The following TRAF3 variants were observed in gnomAD, a reference collection of about 807,000 sequenced individuals.
The protein encoded by TRAF3 is TNF receptor associated factor 3, also known as TNF receptor-associated factor 3.
In TRAF3, 13 loss-of-function variants were observed where a neutral mutation model predicts 62.3. That is an observed-to-expected ratio of 0.21 (90% CI 0.14 to 0.33). TRAF3 has a LOEUF of 0.33. Among genes scored for constraint, TRAF3 ranks in the 10% least tolerant of loss-of-function variants. TRAF3 has a pLI of 1.00. For missense variants in TRAF3, 440 were observed against 741.8 expected, an observed-to-expected ratio of 0.59 and a Z score of 4.73; for synonymous variants, 269 against 283.4, an observed-to-expected ratio of 0.95 and a Z score of 0.51.
chr14:102,784,895 C>T (rs571148519), intron 1 of TRAF3, among the ~76,000 whole-genome samples: 7 of 152,220 alleles, frequency 4.6e-5, no homozygotes, highest in Non-Finnish European at 8.8e-5. Flanking sequence ...GCCCGTGAGT[C>T]GGAAGGGGTT....
chr14:102,867,856 A>G (rs529970236), intron 2 of TRAF3, among the ~76,000 whole-genome samples: 1 of 152,288 alleles, frequency 6.6e-6, no homozygotes, highest in African/African-American at 2.4e-5. Flanking sequence ...AATTTCCCAC[A>G]TTTTGCCACA....
chr14:102,802,818 A>G (rs550169471), intron 1 of TRAF3, among the ~76,000 whole-genome samples: 1 of 152,128 alleles, frequency 6.6e-6, no homozygotes, highest in South Asian at 2.1e-4. Context: ...ACCGAGCAAG[A>G]CTCTGTCTCA....
At chr14:102,897,920 A>G (rs947567000) in intron 10 of TRAF3, among the ~76,000 whole-genome samples, 2 of 152,226 alleles carry the variant, frequency 1.3e-5, no homozygotes, top group African/African-American at 4.8e-5. Context: ...CGATGATGTA[A>G]AGGGGACTGA....
chr14:102,821,070 G>A (rs1899958353), intron 1 of TRAF3, among the ~76,000 whole-genome samples: 1 of 152,102 alleles, frequency 6.6e-6, no homozygotes, highest in Admixed American at 6.6e-5. Context: ...AGGATGTAGG[G>A]TGAAATAGTC....
chr14:102,812,841 C>A (rs1327121894), intron 1 of TRAF3, among the ~76,000 whole-genome samples: 1 of 151,856 alleles, frequency 6.6e-6, no homozygotes, highest in African/African-American at 2.4e-5. Flanking sequence ...ATGGCGTGAA[C>A]CCAGGAGGCG....
In TRAF3 at chr14:102,907,115, G is replaced by GC. The variant is rs1283994178; in HGVS notation, c.*1335dup. 1 of 152,186 alleles carries GC rather than the reference G, an allele frequency of 6.6e-6. No individual in the cohort carries two copies. Among genetic ancestry groups the GC allele is most frequent in the Non-Finnish European group, 1.5e-5 (1 of 68,036 alleles). 9.4% of individuals were successfully genotyped at this position (152,186 alleles called of 1,614,324 possible). A position where few individuals can be genotyped will look rare whatever the true frequency, so the allele number is the denominator to read the frequency against. On this transcript the variant is annotated 3_prime_UTR_variant, in exon 12 of 12. Coordinates refer to ENST00000392745, the MANE Select transcript of TRAF3 (RefSeq NM_145725.3). ...ATTACCACAGATTCCAAATCTCTAGGCCCCACGAGTGAGCCGCCTGGTCCA... is the reference window on the plus strand; with the variant it reads ...ATTACCACAGATTCCAAATCTCTAGGCCCCCACGAGTGAGCCGCCTGGTCCA...
intron 4 of TRAF3, among the ~76,000 whole-genome samples, chr14:102,872,448 T>C (rs753128334): frequency 2.0e-4 from 31 of 152,152 alleles, no homozygotes; most frequent in South Asian, 4.1e-4. Flanking sequence ...CCCTGTGATA[T>C]CTTTAAGTCA....
At chr14:102,802,672 C>T (rs1898513983) in intron 1 of TRAF3, among the ~76,000 whole-genome samples, 1 of 150,984 alleles carries the variant, frequency 6.6e-6, no homozygotes, top group South Asian at 2.1e-4. Context: ...ACTAAAAATA[C>T]AAAAAAATTA....
intron 1 of TRAF3, among the ~76,000 whole-genome samples, chr14:102,805,395 C>A (rs1337327492): frequency 6.6e-6 from 1 of 152,116 alleles, no homozygotes; most frequent in Non-Finnish European, 1.5e-5. Context: ...CTGTGGAGAG[C>A]GATGTGCATA....
At chr14:102,791,604 A>G (rs972886224) in intron 1 of TRAF3, among the ~76,000 whole-genome samples, 1 of 152,064 alleles carries the variant, frequency 6.6e-6, no homozygotes, top group African/African-American at 2.4e-5. Context: ...GGATTTCTTT[A>G]TACAGAATCA....
rs1332180148 is a variant in TRAF3 at position 102,897,276 on chromosome 14, A to G, written c.835A>G (p.Asn279Asp). Reference sequence around the variant, plus strand: ...TCTTTTTTAGGTTTCCTTGTTGCAGAATGAAAGTGTAGAAAAAAACAAGAG... The same window carrying G: ...TCTTTTTTAGGTTTCCTTGTTGCAGGATGAAAGTGTAGAAAAAAACAAGAG... ...SLEKKVSLLQNESVEKNKSIQ... is the reference protein window; with the variant it reads ...SLEKKVSLLQDESVEKNKSIQ... The change falls in exon 10 of 12, where the codon AAT becomes GAT. Residue 279 changes from asparagine (N) to aspartate (D), a missense_variant. Asn to Asp is a conservative substitution (Grantham distance 23). Transcript: ENST00000392745. 3 of 1,613,320 alleles carry G rather than the reference A, an allele frequency of 1.9e-6. No individual in the cohort carries two copies. Among genetic ancestry groups the G allele is most frequent in the Non-Finnish European group, 2.5e-6 (3 of 1,179,682 alleles).
chr14:102,844,902 G>C (rs1035864042), intron 2 of TRAF3, among the ~76,000 whole-genome samples: 4 of 151,536 alleles, frequency 2.6e-5, no homozygotes, highest in Non-Finnish European at 4.4e-5. Flanking sequence ...TGTTGTTTTT[G>C]TTTTGTTTTT....
chr14:102,873,395 C>T (rs1004286009), intron 4 of TRAF3, among the ~76,000 whole-genome samples: 1 of 152,210 alleles, frequency 6.6e-6, no homozygotes, highest in Non-Finnish European at 1.5e-5. Flanking sequence ...TACTCGGCCG[C>T]CTTGTTAACA....
intron 1 of TRAF3, among the ~76,000 whole-genome samples, chr14:102,778,993 G>A (rs958581750): frequency 2.6e-5 from 4 of 152,144 alleles, no homozygotes; most frequent in Non-Finnish European, 4.4e-5. Flanking sequence ...CAATGTAAAT[G>A]TTAAGAATTA....
At chr14:102,875,916 G>A (rs1888621483) in intron 5 of TRAF3, among the ~76,000 whole-genome samples, 188 bp downstream of exon 5, 1 of 152,128 alleles carries the variant, frequency 6.6e-6, no homozygotes, top group South Asian at 2.1e-4. Context: ...GACATCATTG[G>A]CAGAATTGTC....
chr14:102,859,149 C>G (rs1295561256), intron 2 of TRAF3, among the ~76,000 whole-genome samples: 1 of 151,620 alleles, frequency 6.6e-6, no homozygotes, highest in Non-Finnish European at 1.5e-5. Flanking sequence ...AAACCTTCAG[C>G]TTTATCCTAA....
At chr14:102,899,984 C>A (rs553789162) in intron 10 of TRAF3, among the ~76,000 whole-genome samples, 204 of 151,346 alleles carry the variant, frequency 1.3e-3, no homozygotes, top group African/African-American at 4.7e-3. Context: ...TCGAGACCAT[C>A]CTGGCTAACA....
intron 2 of TRAF3, among the ~76,000 whole-genome samples, chr14:102,839,282 G>A (rs1057392539): frequency 5.0e-5 from 7 of 138,994 alleles, no homozygotes; most frequent in Non-Finnish European, 7.6e-5. Flanking sequence ...GCAGTGGCGC[G>A]ATCTTCGCTC....
intron 1 of TRAF3, among the ~76,000 whole-genome samples, chr14:102,824,415 T>G (rs958843494): frequency 2.0e-5 from 3 of 152,226 alleles, no homozygotes; most frequent in African/African-American, 7.2e-5. Flanking sequence ...TTTGTGTGTA[T>G]TTTATATTAT....
Sources: gnomAD v4.1 joint callset for allele counts (sites outside exome capture counted in the v4.1 genomes callset) on GRCh38, gnomAD v4.1.1 for gene constraint, MANE v1.5 for transcripts, NCBI Gene and HGNC (gene_info 2026-07-23, HGNC 2026-07-21) for gene names.